The following NRDC variants were observed in gnomAD, a reference collection of about 807,000 sequenced individuals.
NRDC encodes the protein nardilysin convertase.
NRDC carries 54 observed loss-of-function variants against 147.1 expected under a neutral mutation model. The ratio of observed to expected loss-of-function variants is 0.37; its 90% CI spans 0.29 to 0.46. The LOEUF (loss-of-function observed/expected upper bound fraction) is 0.46. Ranked by LOEUF, NRDC falls within the 20% of genes least tolerant of loss-of-function variation. NRDC has a pLI of 1.00. For missense variants in NRDC, 1,082 were observed against 1,370.6 expected (o/e 0.79, Z 3.33); for synonymous variants, 440 against 482.1 (o/e 0.91, Z 1.14).
intron 22 of NRDC, among the ~76,000 whole-genome samples, chr1:51,796,100 C>CA (rs1338225988): frequency 2.6e-5 from 4 of 151,524 alleles, no homozygotes; most frequent in Non-Finnish European, 5.9e-5. Flanking sequence ...AGGCTGGTCT[C>CA]AAACTACTGA....
At chr1:51,800,036 A>G (rs1454242926) in intron 21 of NRDC, among the ~76,000 whole-genome samples, 3 of 152,172 alleles carry the variant, frequency 2.0e-5, no homozygotes, top group Non-Finnish European at 4.4e-5. Context: ...GTGCGGTGGC[A>G]TGATCATGGT....
rs1194881183 is a variant in NRDC, at chr1:51,791,654, C to T, written c.2884G>A (p.Val962Ile). The change falls in exon 27 of 31, where the codon GTC (valine) becomes ATC (isoleucine). Residue 962 changes from valine (V) to isoleucine (I), a missense_variant. This residue lies in a region of NRDC where 635 missense variants were observed against 923.8 expected (regional missense o/e 0.69). Coordinates refer to ENST00000352171, the MANE Select transcript of NRDC (RefSeq NM_001101662.2). ...LRTKQTLGYHVYPTCRNTSGI... is the reference protein window; with the variant it reads ...LRTKQTLGYHIYPTCRNTSGI... ...GATGTGTTCCTACAGGTAGGGTAGA[C>T]ATGGTACCTACAAGCCAGAGAGAAA... 8 of 1,613,282 alleles carry T rather than the reference C, an allele frequency of 5.0e-6. No homozygotes were observed. Among genetic ancestry groups the T allele is most frequent in the Non-Finnish European group, 6.8e-6 (8 of 1,179,404 alleles).
chr1:51,798,502 G>T, intron 21 of NRDC, 91 bp from the exon 22 acceptor site: 1 of 1,133,736 alleles, frequency 8.8e-7, no homozygotes. Context: ...GTTCTATAAA[G>T]GATGTGTTTC....
rs1680313790 is a variant in NRDC at position 51,823,737 on chromosome 1, T to G, written c.1086A>C (p.Thr362=). ...KHEPRKNNID[T]HARLREFWMR... ...TCCAGAATTCTCTCAATCTAGCATG[T>G]GTATCAATATTATTCTTTCTTGGCT... Residue 362 remains threonine (T), a synonymous_variant, in exon 7 of 31, where the codon ACA becomes ACC. Transcript: ENST00000352171. 1 of 1,606,884 alleles carries G rather than the reference T, an allele frequency of 6.2e-7. No individual in the cohort carries two copies. The highest frequency in any genetic ancestry group is 1.3e-5 in the African/African-American group (1 of 74,914).
chr1:51,863,772 T>C (rs1005472468), intron 1 of NRDC, among the ~76,000 whole-genome samples: 1 of 152,188 alleles, frequency 6.6e-6, no homozygotes, highest in Non-Finnish European at 1.5e-5. Flanking sequence ...GGAAAAAATA[T>C]GAGAAGAATC....
rs1421354231 is a variant in NRDC at position 51,798,407 on chromosome 1, C to A, written c.2446G>T (p.Val816Leu). 2.5e-6 allele frequency: 4 copies of A among 1,612,094 alleles called. No homozygotes were observed. Among genetic ancestry groups the A allele is most frequent in the Non-Finnish European group, 3.4e-6 (4 of 1,178,496 alleles). The change falls in exon 22 of 31, where the codon GTA (valine) becomes TTA (leucine). Residue 816 changes from valine (V) to leucine (L), a missense_variant. Transcript: ENST00000352171. ...GCATATTCCAAGATTAAAAGCCGTA[C>A]ATCTCTGTACAGAGGGCAGAAAAAA... is the stretch of plus-strand genomic sequence containing the variant. Reference protein sequence around the residue: ...LIKPETLAKDVRLLILEYARW... With the variant: ...LIKPETLAKDLRLLILEYARW...
intron 28 of NRDC, 38 bp downstream of exon 28, chr1:51,790,862 G>A: frequency 6.5e-7 from 1 of 1,539,026 alleles, no homozygotes; most frequent in Non-Finnish European, 8.9e-7. Context: ...GGGGGCTTGT[G>A]TGGGCCAAAG....
At chr1:51,863,940 T>A (rs1682676282) in intron 1 of NRDC, among the ~76,000 whole-genome samples, 1 of 152,230 alleles carries the variant, frequency 6.6e-6, no homozygotes, top group Non-Finnish European at 1.5e-5. Context: ...CTACTGAACA[T>A]CAATAGCTTA....
intron 9 of NRDC, among the ~76,000 whole-genome samples, chr1:51,818,675 G>A (rs1279573745): frequency 1.3e-5 from 2 of 152,224 alleles, no homozygotes; most frequent in East Asian, 3.9e-4. Flanking sequence ...TAACAGAATG[G>A]AGCCAGCAGC....
chr1:51,813,977 C>A, intron 14 of NRDC, 58 bp downstream of exon 14: 7 of 1,096,664 alleles, frequency 6.4e-6, no homozygotes, highest in East Asian at 4.8e-5. Context: ...GGAACAATGT[C>A]TACACCAGCT....
intron 10 of NRDC, among the ~76,000 whole-genome samples, chr1:51,816,922 A>G (rs1359564532): frequency 6.6e-6 from 1 of 152,156 alleles, no homozygotes; most frequent in Non-Finnish European, 1.5e-5. Context: ...TTACTCACAG[A>G]GTTTTCATGA....
intron 1 of NRDC, among the ~76,000 whole-genome samples, chr1:51,866,271 G>A (rs1373248480): frequency 2.6e-5 from 4 of 152,092 alleles, no homozygotes; most frequent in Admixed American, 6.6e-5. Context: ...TGCTAAAAAT[G>A]TAAGAACGTA....
chr1:51,811,988 C>T lies in NRDC; in HGVS notation c.1779+6G>A. On this transcript the variant is annotated splice_donor_region_variant and intron_variant, in intron 15 of 30. Coordinates refer to ENST00000352171, the MANE Select transcript of NRDC (RefSeq NM_001101662.2). ...AAGTAAGTTTTAGACGTATAAACCT[C>T]CTTACTTCTGGCTTGTATTCAAAAA... 6.3e-7 allele frequency: 1 copy of T among 1,597,296 alleles called. No homozygotes were observed. The highest frequency in any genetic ancestry group is 1.1e-5 in the South Asian group (1 of 90,690).
At chr1:51,792,216 A>G (rs1432364317) in intron 25 of NRDC, 118 bp from the exon 26 acceptor site, 102 of 1,422,434 alleles carry the variant, frequency 7.2e-5, no homozygotes, top group Non-Finnish European at 1.0e-4. Context: ...CCTTTTTCCT[A>G]ATTGGCCCAG....
At position 51,791,998 on chromosome 1, in the gene NRDC, A is replaced by C. The variant is rs765021220; in HGVS notation, c.2876+48T>G. 2.5e-6 allele frequency: 4 copies of C among 1,596,848 alleles called. No individual in the cohort carries two copies. In the East Asian group the frequency reaches 8.9e-5, roughly 36 times the overall value. On this transcript the variant is annotated intron_variant, in intron 26 of 30. Coordinates refer to ENST00000352171, the MANE Select transcript of NRDC (RefSeq NM_001101662.2). The stretch of plus-strand genomic sequence containing the variant: ...ATATCTGATGAACAGCCTGCAAAGT[A>C]AGCCCTAGGCCCTTATTTGAGCTCA...
chr1:51,831,947 G>A (rs1277336692), intron 4 of NRDC, among the ~76,000 whole-genome samples: 3 of 152,076 alleles, frequency 2.0e-5, no homozygotes, highest in East Asian at 3.9e-4. Context: ...TAAATAAATA[G>A]TGGCATATGC....
rs1323339582 is a variant in NRDC at position 51,789,495 on chromosome 1, C to CTGA, written c.3259-65_3259-63dup. The CTGA allele has an allele frequency of 1.7e-5, 27 of 1,594,072 alleles. No homozygotes were observed. The African/African-American group carries it at 2.7e-4, about 16-fold the overall frequency. On this transcript the variant is annotated intron_variant, in intron 30 of 30. Transcript: ENST00000352171. ...GACCAGATTTAGGGGTTTAAGAGTT[C>CTGA]TGATGATAACCACCCAAACTCACTC...
chr1:51,874,043 AC>A (rs1382406541), intron 1 of NRDC, among the ~76,000 whole-genome samples: 2 of 149,704 alleles, frequency 1.3e-5, no homozygotes, highest in Non-Finnish European at 3.0e-5. Flanking sequence ...CTCCATTTCT[AC>A]AAAAAATTAG....
chr1:51,819,355 G>A (rs370317797), intron 9 of NRDC, among the ~76,000 whole-genome samples: 11 of 151,792 alleles, frequency 7.2e-5, no homozygotes, highest in African/African-American at 2.7e-4. Flanking sequence ...AAGATTTAAG[G>A]GTGATTTATC....
Sources: allele counts gnomAD v4.1 joint callset (sites outside exome capture counted in the v4.1 genomes callset), GRCh38; gene constraint gnomAD v4.1.1; regional missense constraint gnomAD v4.1.1; transcripts MANE v1.5; gene names NCBI Gene and HGNC (gene_info 2026-07-23, HGNC 2026-07-21).